Variants in WDR47 observed in about 807,000 individuals in gnomAD.
WDR47 encodes the protein WD repeat domain 47, also known as WD repeat-containing protein 47.
A neutral mutation model predicts 97.2 loss-of-function variants in WDR47; 32 were observed. That is an observed-to-expected ratio of 0.33 (90% CI 0.25 to 0.44). The LOEUF (loss-of-function observed/expected upper bound fraction) is 0.44. Among genes scored for constraint, WDR47 ranks in the 20% least tolerant of loss-of-function variants. WDR47 has a pLI of 1.00. For synonymous variants in WDR47, 375 were observed against 373.5 expected (o/e 1.00, Z -0.05); for missense variants, 782 against 1,102.3 (o/e 0.71, Z 4.11).
intron 3 of WDR47, among the ~76,000 whole-genome samples, chr1:109,017,134 A>G (rs1661474717): frequency 6.6e-6 from 1 of 152,228 alleles, no homozygotes; most frequent in African/African-American, 2.4e-5. Context: ...ATTTATCAAC[A>G]GATTGCTAAT....
At chr1:109,014,541 T>C (rs1571221759) in intron 3 of WDR47, among the ~76,000 whole-genome samples, 1 of 151,894 alleles carries the variant, frequency 6.6e-6, no homozygotes, top group Non-Finnish European at 1.5e-5. Context: ...CAAGCAATCC[T>C]CCTGCCTCAG....
chr1:108,993,962 G>A (rs971276570), intron 8 of WDR47, among the ~76,000 whole-genome samples: 1 of 152,038 alleles, frequency 6.6e-6, no homozygotes, highest in African/African-American at 2.4e-5. Flanking sequence ...ACATTTACAA[G>A]GTCATAGTAA....
At chr1:109,025,777 G>A (rs1443197078) in intron 1 of WDR47, among the ~76,000 whole-genome samples, 3 of 152,002 alleles carry the variant, frequency 2.0e-5, no homozygotes, top group African/African-American at 7.2e-5. Context: ...AGTGGCGCTA[G>A]GGTAAACAAG....
At chr1:109,006,377 G>A (rs1201585853) in intron 5 of WDR47, among the ~76,000 whole-genome samples, 2 of 152,134 alleles carry the variant, frequency 1.3e-5, no homozygotes, top group Non-Finnish European at 2.9e-5. Context: ...TGGGCAATAA[G>A]AGCTAGACTC....
chr1:108,974,953 G>A (rs1039075734), intron 13 of WDR47, among the ~76,000 whole-genome samples, 199 bp from the exon 14 acceptor site: 2 of 152,160 alleles, frequency 1.3e-5, no homozygotes. Context: ...ACAAAATTTT[G>A]TAAGAAATGA....
At position 109,007,200 on chromosome 1, in the gene WDR47, A is replaced by G. The variant is rs1660688810; in HGVS notation, c.1131-2485T>C. 3.3e-5 allele frequency among the ~76,000 whole-genome samples: 5 copies of G among 151,374 alleles called. No individual in the cohort carries two copies. In the Admixed American group the frequency reaches 3.3e-4, roughly 10 times the overall value. On this transcript the variant is annotated intron_variant, in intron 5 of 14. Transcript: ENST00000369962. The stretch of plus-strand genomic sequence containing the variant: ...CAGTGATCCACCATGCCCAGCCTGA[A>G]ATACATTTTAAATGTATACTCAAAA...
Position 109,025,158 on chromosome 1 carries a change from C to G in WDR47, c.-9-1637G>C, listed in dbSNP as rs556800369. Among the ~76,000 whole-genome samples, 8 of 152,138 alleles carry G rather than the reference C, an allele frequency of 5.3e-5. No individual in the cohort carries two copies. In the East Asian group the frequency reaches 1.5e-3, roughly 29 times the overall value. ...TACATTTTCTCCCTCAGCTAGAGGC[C>G]TGGGCATGGTGGCTCACACCTGTAG... is the stretch of plus-strand genomic sequence containing the variant. On this transcript the variant is annotated intron_variant, in intron 1 of 14. Transcript: ENST00000369962.
At chr1:109,035,550 T>C (rs1052186343) in intron 1 of WDR47, among the ~76,000 whole-genome samples, 4 of 150,684 alleles carry the variant, frequency 2.7e-5, no homozygotes, top group Non-Finnish European at 4.4e-5. Context: ...CAGGCTGGAG[T>C]GCAGTGGCGC....
At chr1:109,015,858 C>G (rs1437560253) in intron 3 of WDR47, among the ~76,000 whole-genome samples, 12 of 151,430 alleles carry the variant, frequency 7.9e-5, no homozygotes, top group Non-Finnish European at 1.5e-4. Flanking sequence ...TGGTGCATGC[C>G]TGTAGTCCCA....
At position 108,991,277 on chromosome 1, in the gene WDR47, G is replaced by C. The variant is rs1425358889; in HGVS notation, c.1744C>G (p.Leu582Val). ...ACCTCTTCCCCTTTCGACCTTGAAA[G>C]ACTCCCTGGAGAATCTCCAAGAGGT... is the stretch of plus-strand genomic sequence containing the variant. ...KPPLGDSPGSLSRSKGEEDDK... is the reference protein window; with the variant it reads ...KPPLGDSPGSVSRSKGEEDDK... Residue 582 changes from leucine (L) to valine (V), a missense_variant, in exon 9 of 15, where the codon CTT becomes GTT. Coordinates refer to ENST00000369962, the MANE Select transcript of WDR47 (RefSeq NM_001142551.2). 1 of 1,613,130 alleles carries C rather than the reference G, an allele frequency of 6.2e-7. No homozygotes were observed. Among genetic ancestry groups the C allele is most frequent in the Non-Finnish European group, 8.5e-7 (1 of 1,179,318 alleles).
At chr1:108,983,969 T>C (rs1658564524) in intron 10 of WDR47, among the ~76,000 whole-genome samples, 1 of 152,164 alleles carries the variant, frequency 6.6e-6, no homozygotes, top group South Asian at 2.1e-4. Context: ...TAGTCCAGTA[T>C]AAAGCACTGG....
At chr1:108,978,131 A>G (rs1658061231) in intron 13 of WDR47, among the ~76,000 whole-genome samples, 1 of 151,666 alleles carries the variant, frequency 6.6e-6, no homozygotes, top group Non-Finnish European at 1.5e-5. Context: ...ATGAAATTTC[A>G]TATCTTACAG....
Position 108,982,736 on chromosome 1 carries a change from G to C in WDR47, c.2139C>G (p.Asp713Glu), listed in dbSNP as rs1446118964. ...EFSMHDGTIRDLAFMEGPESG... is the reference protein window; with the variant it reads ...EFSMHDGTIRELAFMEGPESG... ...TTTCTGGGCCTTCCATAAATGCCAA[G>C]TCTCTAATTGTTCCATCATGCATAC... The change falls in exon 12 of 15, where the codon GAC becomes GAG. Residue 713 changes from aspartate (D) to glutamate (E), a missense_variant. Asp to Glu is a conservative substitution (Grantham distance 45). This residue lies in a region of WDR47 where 228 missense variants were observed against 396.7 expected (regional missense o/e 0.57). Transcript: ENST00000369962. 1.9e-6 allele frequency: 3 copies of C among 1,613,686 alleles called. No individual in the cohort carries two copies. In the South Asian group the frequency reaches 3.3e-5, roughly 18 times the overall value.
intron 1 of WDR47, among the ~76,000 whole-genome samples, chr1:109,039,274 G>A (rs530472034): frequency 6.6e-6 from 1 of 151,176 alleles, no homozygotes; most frequent in Non-Finnish European, 1.5e-5. Context: ...TTCTTTTTGA[G>A]GTGGAATCTC....
rs1244209776 is a variant in WDR47, at chr1:109,023,559, T to C, written c.-9-38A>G. 5.1e-6 allele frequency: 8 copies of C among 1,575,788 alleles called. No individual in the cohort carries two copies. In the East Asian group the frequency reaches 9.0e-5, roughly 18 times the overall value. On this transcript the variant is annotated intron_variant, in intron 1 of 14. Coordinates refer to ENST00000369962, the MANE Select transcript of WDR47 (RefSeq NM_001142551.2). ...CAGAAAAACAATAAAGCTAGTCCTATTGATTTATTTCTAAGTTTAACTGCC... is the reference window on the plus strand; with the variant it reads ...CAGAAAAACAATAAAGCTAGTCCTACTGATTTATTTCTAAGTTTAACTGCC...
At chr1:108,998,904 A>C (rs1478521298) in intron 7 of WDR47, among the ~76,000 whole-genome samples, 1 of 152,208 alleles carries the variant, frequency 6.6e-6, no homozygotes, top group African/African-American at 2.4e-5. Context: ...GTACAGGCTC[A>C]GATATACAAA....
At chr1:109,017,426 G>A in intron 3 of WDR47, 92 bp downstream of exon 3, 4 of 1,065,886 alleles carry the variant, frequency 3.8e-6, no homozygotes, top group African/African-American at 1.6e-5. Context: ...AAGGCCAGTG[G>A]AGAAAGAAAA....
At position 109,003,434 on chromosome 1, in the gene WDR47, T is replaced by C. The variant is rs540023862; in HGVS notation, c.1255-1032A>G. ...TATAAAGAAATATATTCTTAATATT[T>C]AGTTGAAAACAAAAAACATATTCAA... On this transcript the variant is annotated intron_variant, in intron 6 of 14. Coordinates refer to ENST00000369962, the MANE Select transcript of WDR47 (RefSeq NM_001142551.2). Among the ~76,000 whole-genome samples the C allele has an allele frequency of 8.5e-5, 13 of 152,298 alleles. No homozygotes were observed. The South Asian group carries it at 2.7e-3, about 32-fold the overall frequency.
intron 6 of WDR47, among the ~76,000 whole-genome samples, chr1:109,003,203 T>C (rs369227452): frequency 4.6e-5 from 7 of 152,258 alleles, no homozygotes; most frequent in African/African-American, 1.2e-4. Context: ...TATATCCTTA[T>C]TGATCTTCTA....
Sources: gnomAD v4.1 joint callset for allele counts (sites outside exome capture counted in the v4.1 genomes callset) on GRCh38, gnomAD v4.1.1 for gene constraint, gnomAD v4.1.1 regional missense constraint, MANE v1.5 for transcripts, NCBI Gene and HGNC (gene_info 2026-07-23, HGNC 2026-07-21) for gene names.